ANK3: variants seen among roughly 807,000 people sequenced by gnomAD.
The protein encoded by ANK3 is ankyrin 3.
A neutral mutation model predicts 370.9 loss-of-function variants in ANK3; 57 were observed. That is an observed-to-expected ratio of 0.15 (90% CI 0.12 to 0.19). The LOEUF is 0.19. Among genes scored for constraint, ANK3 ranks in the 10% least tolerant of loss-of-function variants. The pLI, the probability that ANK3 is intolerant of heterozygous loss-of-function variation, is 1.00. For synonymous variants in ANK3, 1,929 were observed against 1,946.3 expected, an observed-to-expected ratio of 0.99 and a Z score of 0.23; for missense variants, 4,439 against 5,302.1, an observed-to-expected ratio of 0.84 and a Z score of 5.06.
chr10:60,706,517 G>C (rs1440062548), intron 1 of ANK3, among the ~76,000 whole-genome samples: 2 of 151,488 alleles, frequency 1.3e-5, no homozygotes, highest in African/African-American at 4.9e-5. Context: ...GTCTGTAAGA[G>C]AGAATGCTCC....
intron 1 of ANK3, among the ~76,000 whole-genome samples, chr10:60,677,323 C>T (rs1459141127): frequency 1.3e-5 from 2 of 152,126 alleles, no homozygotes; most frequent in Admixed American, 6.5e-5. Flanking sequence ...AGAAAAAGAA[C>T]TATATGTATT....
chr10:60,534,997 A>G (rs1386674712), intron 2 of ANK3, among the ~76,000 whole-genome samples: 1 of 152,152 alleles, frequency 6.6e-6, no homozygotes, highest in Non-Finnish European at 1.5e-5. Flanking sequence ...ACCTAATTTC[A>G]TCACAGCTGG....
chr10:60,069,268 T>G lies in ANK3; in HGVS notation c.11613A>C (p.Ser3871=). The part of the protein sequence containing the change: ...QKSKLPIKAT[S]PKDTFPPNHM... Reference sequence around the variant, plus strand: ...GGTTCGGTGGGAAGGTATCTTTTGGTGAAGTGGCCTTTATGGGAAGTTTGG... The same window carrying G: ...GGTTCGGTGGGAAGGTATCTTTTGGGGAAGTGGCCTTTATGGGAAGTTTGG... The change falls in exon 37 of 44, where the codon TCA becomes TCC. Residue 3871 remains serine, a synonymous_variant. Coordinates refer to ENST00000280772, the MANE Select transcript of ANK3 (RefSeq NM_020987.5). 1 of 1,614,190 alleles carries G rather than the reference T, an allele frequency of 6.2e-7. No individual in the cohort carries two copies. The highest frequency in any genetic ancestry group is 1.1e-5 in the South Asian group (1 of 91,088).
At chr10:60,606,929 C>T (rs528293492) in intron 2 of ANK3, among the ~76,000 whole-genome samples, 5 of 152,270 alleles carry the variant, frequency 3.3e-5, no homozygotes, top group African/African-American at 9.6e-5. Context: ...AGAACACTTG[C>T]ACATAACAGA....
At chr10:60,497,650 C>G (rs939471557) in intron 2 of ANK3, among the ~76,000 whole-genome samples, 2 of 152,152 alleles carry the variant, frequency 1.3e-5, no homozygotes, top group African/African-American at 4.8e-5. Context: ...GCATTCTTTG[C>G]TTGGTATTCT....
rs573563370 is a variant in ANK3, at chr10:60,135,069, A to C, written c.2739-696T>G. 2.6e-5 allele frequency among the ~76,000 whole-genome samples: 4 copies of C among 152,240 alleles called. No homozygotes were observed. In the East Asian group the frequency reaches 7.7e-4, roughly 29 times the overall value. ...GCCCTTGAACTTCTCAGATGCAGGT[A>C]CCCTGATGCCCTGATATGCCATCAT... On this transcript the variant is annotated intron_variant, in intron 24 of 43. Transcript: ENST00000280772.
chr10:60,511,413 C>T (rs868593633), intron 2 of ANK3, among the ~76,000 whole-genome samples: 6 of 151,998 alleles, frequency 3.9e-5, no homozygotes, highest in South Asian at 2.1e-4. Context: ...GTGAATTCTA[C>T]AAGATTAAAA....
chr10:60,728,578 T>G (rs978812634), intron 1 of ANK3, among the ~76,000 whole-genome samples: 4 of 152,238 alleles, frequency 2.6e-5, no homozygotes, highest in African/African-American at 9.6e-5. Flanking sequence ...GCATTTAAAT[T>G]TTTTTAAATC....
At position 60,028,146 on chromosome 10, in the gene ANK3, C is replaced by T. The variant is rs1040875993; in HGVS notation, c.*1700G>A. 4.6e-5 allele frequency: 7 copies of T among 152,210 alleles called. No homozygotes were observed. The highest frequency in any genetic ancestry group is 1.0e-4 in the Non-Finnish European group (7 of 68,032). The allele number at this position is 152,210 out of a possible 1,614,324, so 9.4% of individuals were successfully genotyped here. ...GCTGGCTATAGTATCTCCAATTCTT[C>T]ACTTTTCAAGAAGGCCTGAACAGAT... On this transcript the variant is annotated 3_prime_UTR_variant, in exon 44 of 44. Coordinates refer to ENST00000280772, the MANE Select transcript of ANK3 (RefSeq NM_020987.5).
chr10:60,541,198 T>C (rs1456285448), intron 2 of ANK3, among the ~76,000 whole-genome samples: 1 of 151,970 alleles, frequency 6.6e-6, no homozygotes, highest in African/African-American at 2.4e-5. Flanking sequence ...ACATATGTAA[T>C]GAAAATATGC....
intron 1 of ANK3, among the ~76,000 whole-genome samples, chr10:60,353,095 C>T (rs1594343612): frequency 6.6e-6 from 1 of 151,974 alleles, no homozygotes. Context: ...GCCATCCTCC[C>T]ACCTCGGACC....
intron 28 of ANK3, among the ~76,000 whole-genome samples, chr10:60,095,872 T>C (rs904558722): frequency 3.3e-5 from 5 of 152,208 alleles, no homozygotes; most frequent in African/African-American, 1.2e-4. Flanking sequence ...TTGTATTACA[T>C]ATTTTAAAAG....
intron 12 of ANK3, among the ~76,000 whole-genome samples, chr10:60,201,470 T>C (rs1014069112): frequency 1.3e-5 from 2 of 152,328 alleles, no homozygotes; most frequent in Admixed American, 1.3e-4. Context: ...TGTGCTAATA[T>C]TATGATGTCA....
At chr10:60,276,553 G>A (rs995195791) in intron 4 of ANK3, among the ~76,000 whole-genome samples, 10 of 152,170 alleles carry the variant, frequency 6.6e-5, no homozygotes, top group Admixed American at 2.0e-4. Flanking sequence ...TGGTAATTCC[G>A]AGCACAACTG....
At chr10:60,273,636 T>C (rs148189743) in intron 4 of ANK3, among the ~76,000 whole-genome samples, 2 of 152,310 alleles carry the variant, frequency 1.3e-5, no homozygotes, top group African/African-American at 4.8e-5. Flanking sequence ...TCTTAAGAGA[T>C]AGTGATATGA....
At chr10:60,419,540 T>C (rs1219613514) in intron 2 of ANK3, among the ~76,000 whole-genome samples, 2 of 152,104 alleles carry the variant, frequency 1.3e-5, no homozygotes, top group African/African-American at 4.8e-5. Context: ...TTACATTCCT[T>C]CCAATGTTCA....
At chr10:60,610,410 G>T (rs1005521938) in intron 2 of ANK3, among the ~76,000 whole-genome samples, 14 of 151,904 alleles carry the variant, frequency 9.2e-5, no homozygotes, top group Non-Finnish European at 4.4e-5. Context: ...TTACTCAGGA[G>T]GCTGAGACAG....
intron 42 of ANK3, chr10:60,053,730 G>A (rs2078562692): frequency 7.7e-7 from 1 of 1,303,622 alleles, no homozygotes; most frequent in African/African-American, 1.5e-5. Context: ...CTTTTGACCT[G>A]ATTTTTTAGG....
chr10:60,239,517 T>C (rs1054619330), intron 7 of ANK3, among the ~76,000 whole-genome samples: 4 of 152,156 alleles, frequency 2.6e-5, no homozygotes, highest in African/African-American at 9.7e-5. Flanking sequence ...ATAAGAATTC[T>C]ACACCAAATG....
Sources: allele counts gnomAD v4.1 joint callset (sites outside exome capture counted in the v4.1 genomes callset), GRCh38; gene constraint gnomAD v4.1.1; transcripts MANE v1.5; gene names NCBI Gene and HGNC (gene_info 2026-07-23, HGNC 2026-07-21).